Variants in CDH18 observed in about 807,000 individuals in gnomAD.
CDH18 encodes cadherin-18.
CDH18 carries 31 observed loss-of-function variants against 67.9 expected under a neutral mutation model. The ratio of observed to expected loss-of-function variants is 0.46; its 90% CI spans 0.34 to 0.62. The LOEUF (loss-of-function observed/expected upper bound fraction) is 0.62, where lower values mean the gene tolerates loss of function less well. Ranked by LOEUF, CDH18 falls within the 20% of genes least tolerant of loss-of-function variation. The pLI is 0.01. For synonymous variants in CDH18, 362 were observed against 347.2 expected, an observed-to-expected ratio of 1.04 and a Z score of -0.48; for missense variants, 890 against 975.5, an observed-to-expected ratio of 0.91 and a Z score of 1.17.
At chr5:20,539,489 A>G (rs1452412960) in intron 1 of CDH18, among the ~76,000 whole-genome samples, 1 of 152,092 alleles carries the variant, frequency 6.6e-6, no homozygotes, top group African/African-American at 2.4e-5. Flanking sequence ...TAGAAATCAG[A>G]AGACCGTACG....
At chr5:20,420,217 G>T (rs1460611188) in intron 1 of CDH18, among the ~76,000 whole-genome samples, 3 of 151,110 alleles carry the variant, frequency 2.0e-5, no homozygotes, top group Non-Finnish European at 4.4e-5. Context: ...TTGTTAATAC[G>T]CCAAACTCGC....
intron 5 of CDH18, among the ~76,000 whole-genome samples, chr5:19,638,488 C>T (rs1244440771): frequency 6.6e-6 from 1 of 151,924 alleles, no homozygotes; most frequent in African/African-American, 2.4e-5. Flanking sequence ...ATATTGAAGT[C>T]AAGGTGGTAG....
chr5:19,574,548 T>C (rs1465465372), intron 7 of CDH18, among the ~76,000 whole-genome samples: 1 of 152,104 alleles, frequency 6.6e-6, no homozygotes. Flanking sequence ...TATGCCTGGA[T>C]ATTTTAGAGT....
At chr5:20,068,319 C>T (rs1424376043) in intron 2 of CDH18, among the ~76,000 whole-genome samples, 1 of 151,918 alleles carries the variant, frequency 6.6e-6, no homozygotes, top group African/African-American at 2.4e-5. Context: ...AAGGTAAAGA[C>T]AATGAAATAA....
rs532147439 is a variant in CDH18 at position 19,650,339 on chromosome 5, T to A, written c.644-37738A>T. 4.6e-5 allele frequency among the ~76,000 whole-genome samples: 7 copies of A among 152,198 alleles called. No homozygotes were observed. The East Asian group carries it at 1.4e-3, about 29-fold the overall frequency. On this transcript the variant is annotated intron_variant, in intron 5 of 12. Coordinates refer to ENST00000382275, the MANE Select transcript of CDH18 (RefSeq NM_004934.5). ...CAATAGACAGATAAAGCACTAATAT[T>A]AGAAATATAAATAACCACAACAGTC... is the stretch of plus-strand genomic sequence containing the variant.
At chr5:20,033,203 T>TA (rs1561732792) in intron 2 of CDH18, among the ~76,000 whole-genome samples, 47 of 151,502 alleles carry the variant, frequency 3.1e-4, no homozygotes, top group African/African-American at 9.4e-4. Flanking sequence ...ATCTTCCTTT[T>TA]TAAAAAAAAA....
In CDH18 at chr5:20,056,150, G is replaced by A. The variant is rs117773272; in HGVS notation, c.-517-64136C>T. On this transcript the variant is annotated intron_variant, in intron 2 of 14. Transcript: ENST00000507958. Reference sequence around the variant, plus strand: ...CACCCTAGTAGCTGGAACTACAGGCGCCCACCACTATGCCTTGCTAATTTT... The same window carrying A: ...CACCCTAGTAGCTGGAACTACAGGCACCCACCACTATGCCTTGCTAATTTT... Among the ~76,000 whole-genome samples, 3,383 of 150,696 alleles carry A rather than the reference G, an allele frequency of 0.022. 226 individuals carry two copies. In the East Asian group the frequency reaches 0.27, roughly 12 times the overall value.
chr5:20,191,432 C>G (rs1738530142), intron 2 of CDH18, among the ~76,000 whole-genome samples: 1 of 152,076 alleles, frequency 6.6e-6, no homozygotes, highest in East Asian at 1.9e-4. Context: ...ATGTGCAGAA[C>G]ATGAATTTTT....
At chr5:19,946,865 C>A (rs571167243) in intron 2 of CDH18, among the ~76,000 whole-genome samples, 1 of 152,202 alleles carries the variant, frequency 6.6e-6, no homozygotes, top group East Asian at 1.9e-4. Context: ...GCAATTAATT[C>A]AGCAACGTAT....
At chr5:19,582,935 T>A (rs1743509955) in intron 7 of CDH18, among the ~76,000 whole-genome samples, 2 of 151,946 alleles carry the variant, frequency 1.3e-5, no homozygotes, top group Admixed American at 1.3e-4. Context: ...ATAAATCTAG[T>A]ATGGTTGTAG....
At chr5:20,104,237 A>G (rs903842200) in intron 2 of CDH18, among the ~76,000 whole-genome samples, 4 of 152,090 alleles carry the variant, frequency 2.6e-5, no homozygotes, top group African/African-American at 9.7e-5. Context: ...TTTTTGAAAT[A>G]ATGGTAATGA....
intron 4 of CDH18, among the ~76,000 whole-genome samples, chr5:19,733,100 G>A (rs1199771347): frequency 2.6e-5 from 4 of 152,102 alleles, no homozygotes; most frequent in African/African-American, 9.7e-5. Context: ...ACACAGGCAG[G>A]AGGCAGAGAA....
chr5:20,401,354 C>G (rs1745757663), intron 1 of CDH18, among the ~76,000 whole-genome samples: 1 of 152,106 alleles, frequency 6.6e-6, no homozygotes, highest in Non-Finnish European at 1.5e-5. Flanking sequence ...GTATTAATTA[C>G]AGTCAAGGAA....
intron 10 of CDH18, among the ~76,000 whole-genome samples, chr5:19,504,690 T>C (rs1468559114): frequency 1.3e-5 from 2 of 152,142 alleles, no homozygotes; most frequent in African/African-American, 2.4e-5. Flanking sequence ...AAATATATAA[T>C]GTTACCTCTT....
rs993271437 is a variant in CDH18, at chr5:20,131,992, T to A, written c.-518+123452A>T. On this transcript the variant is annotated intron_variant, in intron 2 of 14. Coordinates refer to the CDH18 transcript ENST00000507958. ...GACCTCTACCTCCCGGGTTCAAGCATTTCTGCTGCCTCAGCTTCCCAAGTA... is the reference window on the plus strand; with the variant it reads ...GACCTCTACCTCCCGGGTTCAAGCAATTCTGCTGCCTCAGCTTCCCAAGTA... Among the ~76,000 whole-genome samples, 14 of 152,078 alleles carry A rather than the reference T, an allele frequency of 9.2e-5. No homozygotes were observed. In the South Asian group the frequency reaches 1.9e-3, roughly 20 times the overall value.
chr5:19,859,032 A>G (rs1784589649), intron 2 of CDH18, among the ~76,000 whole-genome samples: 1 of 152,182 alleles, frequency 6.6e-6, no homozygotes, highest in Non-Finnish European at 1.5e-5. Flanking sequence ...AATGTGTACA[A>G]TTTGATGAGT....
chr5:19,617,940 T>A (rs897908769), intron 5 of CDH18, among the ~76,000 whole-genome samples: 1 of 152,210 alleles, frequency 6.6e-6, no homozygotes, highest in African/African-American at 2.4e-5. Flanking sequence ...CTAATAATAT[T>A]CATATAGCAG....
rs755663944 is a variant in CDH18, at chr5:19,591,134, T to A, written c.922A>T (p.Ile308Leu). The change falls in exon 7 of 13, where the codon ATA (isoleucine) becomes TTA (leucine). Residue 308 changes from isoleucine to leucine, a missense_variant. By Grantham distance (5) the Ile-to-Leu change is conservative. Around this residue, in one of 2 missense-constraint regions of CDH18, gnomAD observed 656 missense variants for 668.1 expected, o/e 0.98. Coordinates refer to ENST00000382275, the MANE Select transcript of CDH18 (RefSeq NM_004934.5). ...GSNADMTYSI[I>L]NGDGMGIFSI... ...AATATTCCCATGCCATCACCATTTA[T>A]GATGGAGTAGGTCATGTCAGCATTT... is the stretch of plus-strand genomic sequence containing the variant. 1.2e-6 allele frequency: 2 copies of A among 1,612,244 alleles called. No individual in the cohort carries two copies.
chr5:19,501,015 C>T (rs1743143708), intron 11 of CDH18, among the ~76,000 whole-genome samples: 1 of 151,290 alleles, frequency 6.6e-6, no homozygotes, highest in African/African-American at 2.4e-5. Context: ...CGCCTGTAAT[C>T]CCAGCTGCTT....
Sources: allele counts gnomAD v4.1 joint callset (sites outside exome capture counted in the v4.1 genomes callset), GRCh38; gene constraint gnomAD v4.1.1; regional missense constraint gnomAD v4.1.1; transcripts MANE v1.5; gene names NCBI Gene and HGNC (gene_info 2026-07-23, HGNC 2026-07-21).